MAGI2: variants seen among roughly 807,000 people sequenced by gnomAD.
MAGI2 encodes the protein membrane-associated guanylate kinase, WW and PDZ domain-containing protein 2.
MAGI2 carries 35 observed loss-of-function variants against 133.3 expected under a neutral mutation model. The observed-to-expected ratio is 0.26, with a 90% CI of 0.20 to 0.35. The LOEUF (loss-of-function observed/expected upper bound fraction) is 0.35, where lower values mean the gene tolerates loss of function less well. Ranked by LOEUF, MAGI2 falls within the 10% of genes least tolerant of loss-of-function variation. The pLI is 1.00. For synonymous variants in MAGI2, 729 were observed against 710.6 expected (o/e 1.03, Z -0.41); for missense variants, 1,636 against 1,863.4 (o/e 0.88, Z 2.25).
At chr7:78,578,636 G>C (rs1487862341) in intron 3 of MAGI2, among the ~76,000 whole-genome samples, 1 of 152,074 alleles carries the variant, frequency 6.6e-6, no homozygotes, top group Non-Finnish European at 1.5e-5. Context: ...CAAAAAGGAA[G>C]GGAAAGAGAA....
At chr7:79,242,406 C>A (rs1017594067) in intron 1 of MAGI2, among the ~76,000 whole-genome samples, 1 of 152,138 alleles carries the variant, frequency 6.6e-6, no homozygotes, top group African/African-American at 2.4e-5. Context: ...ATATTCTTCT[C>A]TTTGTTATAC....
intron 21 of MAGI2, among the ~76,000 whole-genome samples, chr7:78,052,351 C>T (rs972069122): frequency 8.5e-5 from 13 of 152,176 alleles, no homozygotes; most frequent in African/African-American, 2.9e-4. Context: ...CTGGCACCCC[C>T]TCCTCTTTCT....
At chr7:78,997,165 A>G (rs1329241927) in intron 2 of MAGI2, among the ~76,000 whole-genome samples, 1 of 152,228 alleles carries the variant, frequency 6.6e-6, no homozygotes, top group African/African-American at 2.4e-5. Context: ...TGTCTTTATT[A>G]GAATGGAGAT....
chr7:78,220,736 A>G (rs1037508251), intron 10 of MAGI2, among the ~76,000 whole-genome samples: 2 of 152,192 alleles, frequency 1.3e-5, no homozygotes, highest in African/African-American at 2.4e-5. Context: ...AAACGCATCC[A>G]TTTTTACAGA....
At chr7:79,077,036 A>C (rs182528432) in intron 1 of MAGI2, among the ~76,000 whole-genome samples, 1 of 152,326 alleles carries the variant, frequency 6.6e-6, no homozygotes, top group Admixed American at 6.5e-5. Context: ...TGGGCTAATA[A>C]TACCATTTAT....
chr7:78,838,509 A>AGAGTGT (rs142506916), intron 2 of MAGI2, among the ~76,000 whole-genome samples: 3 of 147,760 alleles, frequency 2.0e-5, no homozygotes, highest in Non-Finnish European at 4.5e-5. Context: ...TATGTGTGTG[A>AGAGTGT]GTGTGTGTGT....
chr7:78,191,142 T>A (rs1173674391), intron 12 of MAGI2, among the ~76,000 whole-genome samples: 2 of 152,144 alleles, frequency 1.3e-5, no homozygotes, highest in Admixed American at 6.6e-5. Context: ...TGATTAAAAC[T>A]TTTTTAGGGA....
chr7:78,020,572 CA>C (rs67109509), intron 21 of MAGI2, among the ~76,000 whole-genome samples: 37,208 of 147,256 alleles, frequency 0.25, 5,207 homozygotes, highest in East Asian at 0.56. Flanking sequence ...CTGATGGGCT[CA>C]AAAAAAAAAG....
intron 2 of MAGI2, among the ~76,000 whole-genome samples, chr7:78,631,623 T>G (rs901842613): frequency 6.6e-6 from 1 of 152,232 alleles, no homozygotes; most frequent in African/African-American, 2.4e-5. Context: ...TCTCATGGTA[T>G]GCCAGCTTGT....
Position 79,077,309 on chromosome 7 carries a change from G to C in MAGI2, c.302-70103C>G, listed in dbSNP as rs550652295. 1.2e-3 allele frequency among the ~76,000 whole-genome samples: 187 copies of C among 151,964 alleles called. 1 individual carries two copies. Among genetic ancestry groups the C allele is most frequent in the Admixed American group, 0.012 (184 of 15,236 alleles). ...GCGGTGGCTCACGCCTGTAATCCCAGCACTTTGGAAGGCCGAGGCGGGCGG... is the reference window on the plus strand; with the variant it reads ...GCGGTGGCTCACGCCTGTAATCCCACCACTTTGGAAGGCCGAGGCGGGCGG... On this transcript the variant is annotated intron_variant, in intron 1 of 21. Coordinates refer to ENST00000354212, the MANE Select transcript of MAGI2 (RefSeq NM_012301.4).
intron 2 of MAGI2, among the ~76,000 whole-genome samples, chr7:78,765,665 C>T (rs1367205689): frequency 6.6e-6 from 1 of 152,066 alleles, no homozygotes. Flanking sequence ...TATCTTATAT[C>T]TGAGTTGACA....
At chr7:78,521,860 G>C (rs1796537199) in intron 3 of MAGI2, among the ~76,000 whole-genome samples, 4 of 151,908 alleles carry the variant, frequency 2.6e-5, no homozygotes, top group Admixed American at 2.6e-4. Flanking sequence ...TTAATGCTTA[G>C]AGATATAGAT....
intron 9 of MAGI2, among the ~76,000 whole-genome samples, chr7:78,339,430 G>C (rs1261115500): frequency 6.6e-6 from 1 of 151,912 alleles, no homozygotes; most frequent in Non-Finnish European, 1.5e-5. Flanking sequence ...GAGTAAAAAA[G>C]AAAAAAGATT....
At chr7:79,204,210 G>A (rs897032718) in intron 1 of MAGI2, among the ~76,000 whole-genome samples, 48 of 152,156 alleles carry the variant, frequency 3.2e-4, no homozygotes, top group Non-Finnish European at 1.0e-4. Context: ...TGCATATTAA[G>A]CCTCTGGATC....
intron 1 of MAGI2, among the ~76,000 whole-genome samples, chr7:79,235,374 C>T (rs372086356): frequency 5.9e-5 from 9 of 152,216 alleles, no homozygotes; most frequent in South Asian, 2.1e-4. Flanking sequence ...TGGGCAATGG[C>T]GGGCGCCCCT....
At position 78,132,886 on chromosome 7, in the gene MAGI2, T is replaced by A. The variant is rs1481720876; in HGVS notation, c.3203+3A>T. 1 of 1,614,084 alleles carries A rather than the reference T, an allele frequency of 6.2e-7. No homozygotes were observed. ...GAATCACAAAAGTCAGAGGAAATTT[T>A]ACCTATTTTCGTGTCCTTGCAGCTG... On this transcript the variant is annotated splice_donor_region_variant and intron_variant, in intron 18 of 21. Transcript: ENST00000354212.
intron 2 of MAGI2, among the ~76,000 whole-genome samples, chr7:78,655,454 C>CAAA: frequency 0.013 from 856 of 64,874 alleles, 28 homozygotes; most frequent in Admixed American, 0.018. Context: ...AAAAAACAAC[C>CAAA]AAAAAAAAAA....
At chr7:78,337,939 G>T (rs977983413) in intron 9 of MAGI2, among the ~76,000 whole-genome samples, 1 of 149,994 alleles carries the variant, frequency 6.7e-6, no homozygotes, top group African/African-American at 2.5e-5. Flanking sequence ...AAGTACTTAT[G>T]AGCACCTGTT....
chr7:78,093,408 C>G (rs1480503410), intron 20 of MAGI2, among the ~76,000 whole-genome samples: 1 of 151,374 alleles, frequency 6.6e-6, no homozygotes, highest in Admixed American at 6.6e-5. Context: ...GATCCGAGAT[C>G]GTGCCACTGC....
Sources: allele counts gnomAD v4.1 joint callset (sites outside exome capture counted in the v4.1 genomes callset), GRCh38; gene constraint gnomAD v4.1.1; transcripts MANE v1.5; gene names NCBI Gene and HGNC (gene_info 2026-07-23, HGNC 2026-07-21).